Variants in TP53BP2 observed in about 807,000 individuals in gnomAD.
The protein encoded by TP53BP2 is apoptosis-stimulating of p53 protein 2.
TP53BP2 carries 62 observed loss-of-function variants against 126.2 expected under a neutral mutation model. The observed-to-expected ratio is 0.49, with a 90% CI of 0.40 to 0.61. TP53BP2 has a LOEUF of 0.61. Among genes scored for constraint, TP53BP2 ranks in the 20% least tolerant of loss-of-function variants. The pLI, the probability that TP53BP2 is intolerant of heterozygous loss-of-function variation, is 0.00. For synonymous variants in TP53BP2, 485 were observed against 502.9 expected (o/e 0.96, Z 0.48); for missense variants, 1,215 against 1,402.8 (o/e 0.87, Z 2.14).
intron 1 of TP53BP2, among the ~76,000 whole-genome samples, chr1:223,840,557 A>G (rs894804101): frequency 6.6e-6 from 1 of 152,262 alleles, no homozygotes; most frequent in Non-Finnish European, 1.5e-5. Flanking sequence ...GAGAGGCTAG[A>G]TAACATGAGC....
At chr1:223,837,875 T>C (rs1295825214) in intron 1 of TP53BP2, among the ~76,000 whole-genome samples, 1 of 152,066 alleles carries the variant, frequency 6.6e-6, no homozygotes, top group Non-Finnish European at 1.5e-5. Context: ...GACAGGTCTT[T>C]TGCTTCGGCT....
chr1:223,818,318 A>G (rs1467595791), intron 2 of TP53BP2: 1 of 152,270 alleles, frequency 6.6e-6, no homozygotes, highest in Admixed American at 6.6e-5. Context: ...CCTGGCCAAC[A>G]TGATGAAACT....
intron 4 of TP53BP2, among the ~76,000 whole-genome samples, chr1:223,808,274 G>C (rs1173018088): frequency 1.3e-5 from 2 of 152,114 alleles, no homozygotes; most frequent in Non-Finnish European, 2.9e-5. Flanking sequence ...TGTAATCCCA[G>C]CACTTTGGGA....
chr1:223,797,366 T>C (rs1278290658), intron 12 of TP53BP2, among the ~76,000 whole-genome samples: 1 of 152,072 alleles, frequency 6.6e-6, no homozygotes, highest in Non-Finnish European at 1.5e-5. Context: ...AGCGGCTATG[T>C]CCCCATTACA....
intron 2 of TP53BP2, among the ~76,000 whole-genome samples, chr1:223,816,374 T>C (rs976001045): frequency 1.3e-5 from 2 of 151,900 alleles, no homozygotes; most frequent in Non-Finnish European, 2.9e-5. Flanking sequence ...AATTAAATAA[T>C]AGGGGAACAC....
chr1:223,794,366 A>C (rs994651197), intron 13 of TP53BP2, among the ~76,000 whole-genome samples: 3 of 152,162 alleles, frequency 2.0e-5, no homozygotes, highest in African/African-American at 7.2e-5. Context: ...AATGACTAAA[A>C]TGTTGCTCTC....
At chr1:223,798,170 G>C (rs957658601) in intron 12 of TP53BP2, 45 bp downstream of exon 12, 5 of 1,535,572 alleles carry the variant, frequency 3.3e-6, no homozygotes, top group Non-Finnish European at 4.4e-6. Context: ...CTTAAGTTCT[G>C]GTATAGAACT....
At chr1:223,814,206 A>C (rs1396581832) in intron 3 of TP53BP2, 34 bp downstream of exon 3, 2 of 1,505,284 alleles carry the variant, frequency 1.3e-6, no homozygotes, top group Non-Finnish European at 1.8e-6. Flanking sequence ...ATAAAAGCTT[A>C]AATATCTGTC....
chr1:223,796,040 A>G lies in TP53BP2; in HGVS notation c.2499T>C (p.Ser833=), dbSNP rs780109415. Reference sequence around the variant, plus strand: ...CCTCAGGCTCATAATCAAGGCCTGGAGAAGGAGCTGGCATGTCACTGTTCT... The same window carrying G: ...CCTCAGGCTCATAATCAAGGCCTGGGGAAGGAGCTGGCATGTCACTGTTCT... ...STENSDMPAP[S]PGLDYEPEGV... The change falls in exon 13 of 18, where the codon TCT becomes TCC. Residue 833 remains serine (S), a synonymous_variant. Transcript: ENST00000343537. The surrounding 1 kb of genome is among the most constrained non-coding windows in gnomAD (Gnocchi z 4.2). 1 of 1,613,964 alleles carries G rather than the reference A, an allele frequency of 6.2e-7. No homozygotes were observed. Among genetic ancestry groups the G allele is most frequent in the Admixed American group, 1.7e-5 (1 of 59,992 alleles).
chr1:223,813,573 G>A (rs749552511), intron 3 of TP53BP2, among the ~76,000 whole-genome samples: 1 of 151,898 alleles, frequency 6.6e-6, no homozygotes, highest in African/African-American at 2.4e-5. Flanking sequence ...AACTCCCATT[G>A]AATTTGTCTA....
At chr1:223,805,565 A>G (rs2102856721) in intron 5 of TP53BP2, among the ~76,000 whole-genome samples, 1 of 152,302 alleles carries the variant, frequency 6.6e-6, no homozygotes, top group East Asian at 1.9e-4. Flanking sequence ...ATGCACAGGA[A>G]CCCTAGGAAG....
At chr1:223,842,410 C>A (rs1242551890) in intron 1 of TP53BP2, among the ~76,000 whole-genome samples, 1 of 152,198 alleles carries the variant, frequency 6.6e-6, no homozygotes, top group Non-Finnish European at 1.5e-5. Flanking sequence ...CCACATGTGG[C>A]TGGTGACTGC....
chr1:223,812,975 G>A (rs112207422), intron 3 of TP53BP2, among the ~76,000 whole-genome samples: 4,706 of 152,266 alleles, frequency 0.031, 242 homozygotes, highest in African/African-American at 0.11. Flanking sequence ...TGGGATTACA[G>A]GCATGAGCCA....
At chr1:223,815,064 C>T (rs553854162) in intron 2 of TP53BP2, among the ~76,000 whole-genome samples, 3 of 152,224 alleles carry the variant, frequency 2.0e-5, no homozygotes, top group African/African-American at 4.8e-5. Context: ...GATATAAAAA[C>T]GAGACACACT....
chr1:223,808,728 TAAA>T (rs78883797), intron 4 of TP53BP2, among the ~76,000 whole-genome samples: 4 of 130,564 alleles, frequency 3.1e-5, no homozygotes, highest in Non-Finnish European at 4.9e-5. Flanking sequence ...TATGCTCCAT[TAAA>T]AAAAAAAAAA....
intron 5 of TP53BP2, 129 bp from the exon 6 acceptor site, chr1:223,804,477 C>A (rs1276741534): frequency 1.0e-5 from 8 of 788,640 alleles, no homozygotes; most frequent in Non-Finnish European, 1.6e-5. Context: ...GTCTCACCTT[C>A]TTCCTAAACA....
At chr1:223,789,907 G>A (rs1019975536) in intron 15 of TP53BP2, among the ~76,000 whole-genome samples, 3 of 152,062 alleles carry the variant, frequency 2.0e-5, no homozygotes, top group Non-Finnish European at 2.9e-5. Flanking sequence ...GTGTGAAAAT[G>A]TTAATCAGGC....
intron 17 of TP53BP2, among the ~76,000 whole-genome samples, chr1:223,781,943 T>C (rs947970415): frequency 1.3e-5 from 2 of 152,200 alleles, no homozygotes; most frequent in Non-Finnish European, 2.9e-5. Flanking sequence ...AATTTCAGAA[T>C]CTTCTAAGCG....
chr1:223,790,551 T>C (rs1216296385), intron 15 of TP53BP2, among the ~76,000 whole-genome samples: 1 of 150,866 alleles, frequency 6.6e-6, no homozygotes, highest in East Asian at 1.9e-4. Context: ...AATAAGACCC[T>C]GACTCAAAAA....
Sources: allele counts gnomAD v4.1 joint callset (sites outside exome capture counted in the v4.1 genomes callset), GRCh38; gene constraint gnomAD v4.1.1; non-coding constraint Gnocchi (gnomAD v3.1); transcripts MANE v1.5; gene names NCBI Gene and HGNC (gene_info 2026-07-23, HGNC 2026-07-21).